Variants in ZNF790 observed in about 807,000 individuals in gnomAD.
ZNF790 encodes zinc finger protein 790.
A neutral mutation model predicts 12.1 loss-of-function variants in ZNF790; 8 were observed. The observed-to-expected ratio is 0.66, with a 90% CI of 0.39 to 1.19. ZNF790 has a LOEUF of 1.19. Among genes scored for constraint, ZNF790 ranks in the 50% most tolerant of loss-of-function variants. The pLI is 0.01. For missense variants in ZNF790, 707 were observed against 752.2 expected, an observed-to-expected ratio of 0.94 and a Z score of 0.70; for synonymous variants, 252 against 244.3, an observed-to-expected ratio of 1.03 and a Z score of -0.29.
chr19:36,837,033 C>A (rs1726721), intron 1 of ZNF790, among the ~76,000 whole-genome samples: 6,836 of 152,126 alleles, frequency 0.045, 505 homozygotes, highest in African/African-American at 0.16. Flanking sequence ...AATCATCTTT[C>A]ACTATCCCAC....
At chr19:36,826,787 A>G (rs2146040421) in intron 1 of ZNF790, among the ~76,000 whole-genome samples, 1 of 151,102 alleles carries the variant, frequency 6.6e-6, no homozygotes, top group South Asian at 2.1e-4. Context: ...AAAGGTAATC[A>G]TGGTTATGAA....
At chr19:36,821,820 G>A (rs1421466189) in intron 4 of ZNF790, among the ~76,000 whole-genome samples, 1 of 152,078 alleles carries the variant, frequency 6.6e-6, no homozygotes, top group Non-Finnish European at 1.5e-5. Flanking sequence ...CTGACCTCAG[G>A]TGATGATTCA....
chr19:36,841,763 T>C (rs1398018296), upstream of ZNF790, among the ~76,000 whole-genome samples: 1 of 144,094 alleles, frequency 6.9e-6, no homozygotes, highest in Non-Finnish European at 1.5e-5. Context: ...CAGGGAGAAT[T>C]GCTTGAACCC....
rs559276933 is a variant in ZNF790 at position 36,817,726 on chromosome 19, T to C, written c.*707A>G. 13 of 152,302 alleles carry C rather than the reference T, an allele frequency of 8.5e-5. No individual in the cohort carries two copies. The highest frequency in any genetic ancestry group is 2.9e-4 in the African/African-American group (12 of 41,574). The allele number at this position is 152,302 out of a possible 1,614,324, so 9.4% of individuals were successfully genotyped here. A position where few individuals can be genotyped will look rare whatever the true frequency, so the allele number is the denominator to read the frequency against. ...ATGCCAAATAAATTGTATGACATAG[T>C]TCAAGGCTTTTCTAGATTAATTACA... is the stretch of plus-strand genomic sequence containing the variant. On this transcript the variant is annotated 3_prime_UTR_variant, in exon 5 of 5. Coordinates refer to ENST00000356725, the MANE Select transcript of ZNF790 (RefSeq NM_206894.4).
chr19:36,819,420 T>C lies in ZNF790; in HGVS notation c.924A>G (p.Lys308=). The change falls in exon 5 of 5, where the codon AAA becomes AAG. Residue 308 remains lysine, a synonymous_variant. Coordinates refer to ENST00000356725, the MANE Select transcript of ZNF790 (RefSeq NM_206894.4). ...TRHQRIHTGE[K]PYECNECRKA... ...TTCTACATTCATTACATTCATAGGG[T>C]TTTTCACCAGTATGAATTCTCTGAT... The C allele has an allele frequency of 1.9e-6, 3 of 1,610,630 alleles. No individual in the cohort carries two copies. The highest frequency in any genetic ancestry group is 2.5e-6 in the Non-Finnish European group (3 of 1,177,950).
intron 2 of ZNF790, 47 bp from the exon 3 acceptor site, chr19:36,823,837 ATAAT>A (rs767870988): frequency 6.5e-7 from 1 of 1,549,246 alleles, no homozygotes; most frequent in Admixed American, 1.9e-5. Context: ...ATTTTTAAAA[ATAAT>A]TATAATCCCT....
chr19:36,843,918 G>C (rs2072151688), intron 1 of ZNF790, among the ~76,000 whole-genome samples: 1 of 150,692 alleles, frequency 6.6e-6, no homozygotes, highest in African/African-American at 2.4e-5. Context: ...TGAGGCAGGA[G>C]AGTTGCTTGA....
At position 36,818,900 on chromosome 19, in the gene ZNF790, C is replaced by A. The variant is rs1346179316; in HGVS notation, c.1444G>T (p.Glu482Ter). 1 of 1,610,966 alleles carries A rather than the reference C, an allele frequency of 6.2e-7. No individual in the cohort carries two copies. Among genetic ancestry groups the A allele is most frequent in the South Asian group, 1.1e-5 (1 of 90,996 alleles). The part of the protein sequence containing the change: ...HTGERNYECK[E>*]CGKTFFRGSE... ...CCACGAAAAAAGGTCTTTCCACATTCCTTACATTCATAGTTTCTCTCACCA... is the reference window on the plus strand; with the variant it reads ...CCACGAAAAAAGGTCTTTCCACATTACTTACATTCATAGTTTCTCTCACCA... The change falls in exon 5 of 5, where the codon GAA becomes TAA. Residue 482 changes from glutamate to a stop codon, truncating the protein, a stop_gained. Coordinates refer to ENST00000356725, the MANE Select transcript of ZNF790 (RefSeq NM_206894.4). LOFTEE classifies it low-confidence loss of function (END_TRUNC).
chr19:36,826,367 G>A (rs879668401), intron 1 of ZNF790, among the ~76,000 whole-genome samples: 3 of 151,960 alleles, frequency 2.0e-5, no homozygotes, highest in South Asian at 4.2e-4. Flanking sequence ...GGCAGATCAC[G>A]AGGTCAGGAG....
rs774645371 is a variant in ZNF790, at chr19:36,819,929, T to C, written c.415A>G (p.Lys139Glu). The change falls in exon 5 of 5, where the codon AAG (lysine) becomes GAG (glutamate). Residue 139 changes from lysine to glutamate, a missense_variant. By Grantham distance (56) the Lys-to-Glu change is moderately conservative. Transcript: ENST00000356725. ...TTTTCACAGGTGCGTATCACCTGCT[T>C]GAAGCATTCCTCTTGATTATCTTGA... ...TLQDNQEECF[K>E]QVIRTCEKRP... 1.9e-6 allele frequency: 3 copies of C among 1,614,154 alleles called. No homozygotes were observed. The highest frequency in any genetic ancestry group is 2.7e-5 in the African/African-American group (2 of 75,066).
Position 36,817,834 on chromosome 19 carries a change from T to C in ZNF790, c.*599A>G, listed in dbSNP as rs928672052. 1.3e-5 allele frequency: 2 copies of C among 152,172 alleles called. No individual in the cohort carries two copies. The highest frequency in any genetic ancestry group is 2.9e-5 in the Non-Finnish European group (2 of 68,030). 9.4% of individuals were successfully genotyped at this position (152,172 alleles called of 1,614,324 possible). The stretch of plus-strand genomic sequence containing the variant: ...TTATATATAAATTCTTGTGGGTTTT[T>C]GTTTTTGAGATGGAGTCTTGTTCTA... On this transcript the variant is annotated 3_prime_UTR_variant, in exon 5 of 5. Coordinates refer to ENST00000356725, the MANE Select transcript of ZNF790 (RefSeq NM_206894.4).
chr19:36,823,606 G>GA, intron 3 of ZNF790, 61 bp downstream of exon 3: 2 of 1,576,444 alleles, frequency 1.3e-6, no homozygotes, highest in Non-Finnish European at 1.7e-6. Context: ...ACATTTAAAA[G>GA]ACAATAAAAA....
At chr19:36,829,422 A>G (rs1188267570) in intron 1 of ZNF790, among the ~76,000 whole-genome samples, 1 of 152,174 alleles carries the variant, frequency 6.6e-6, no homozygotes, top group African/African-American at 2.4e-5. Flanking sequence ...CACGTAGCAT[A>G]AGGTTCTCAA....
At position 36,819,639 on chromosome 19, in the gene ZNF790, A is replaced by G. The variant is rs752957322; in HGVS notation, c.705T>C (p.Phe235=). The change falls in exon 5 of 5, where the codon TTT becomes TTC. Residue 235 remains phenylalanine (F), a synonymous_variant. Transcript: ENST00000356725. Reference sequence around the variant, plus strand: ...GACCAGTAAGACTCGAACGTAAACTAAAAGACTTCCCACATTCTTTACATT... The same window carrying G: ...GACCAGTAAGACTCGAACGTAAACTGAAAGACTTCCCACATTCTTTACATT... ...TYECKECGKS[F]SLRSSLTGHK... The G allele has an allele frequency of 1.3e-5, 21 of 1,607,366 alleles. No homozygotes were observed. Among genetic ancestry groups the G allele is most frequent in the South Asian group, 2.2e-5 (2 of 90,606 alleles).
chr19:36,826,575 C>T (rs893165154), intron 1 of ZNF790, among the ~76,000 whole-genome samples: 5 of 128,178 alleles, frequency 3.9e-5, no homozygotes, highest in South Asian at 2.8e-4. Context: ...CAGCGAGACT[C>T]GGTCTCAAAA....
intron 1 of ZNF790, among the ~76,000 whole-genome samples, chr19:36,834,138 G>C (rs2071994521): frequency 6.6e-6 from 1 of 151,244 alleles, no homozygotes; most frequent in Non-Finnish European, 1.5e-5. Flanking sequence ...AGCTACTCAG[G>C]AGGCTGAGGC....
chr19:36,835,487 C>T (rs990800980), intron 1 of ZNF790, among the ~76,000 whole-genome samples: 1 of 152,118 alleles, frequency 6.6e-6, no homozygotes, highest in African/African-American at 2.4e-5. Context: ...ATGTACTTTA[C>T]TGGAAGTCTT....
At position 36,819,046 on chromosome 19, in the gene ZNF790, CAAGTAA is replaced by C. The variant is rs777019903; in HGVS notation, c.1292_1297del (p.Phe431_Thr432del). ...CTCATGTTGAGCAAGATACGAAGCCCAAGTAAAAGTCTTCCCGCATTGCTTACATTC... is the reference window on the plus strand; with the variant it reads ...CTCATGTTGAGCAAGATACGAAGCCCAAGTCTTCCCGCATTGCTTACATTC... On this transcript the variant is annotated inframe_deletion, in exon 5 of 5. Transcript: ENST00000356725. The C allele has an allele frequency of 1.3e-5, 21 of 1,614,024 alleles. No homozygotes were observed. The African/African-American group carries it at 2.3e-4, about 17-fold the overall frequency.
rs551820063 is a variant in ZNF790 at position 36,819,040 on chromosome 19, G to A, written c.1304C>T (p.Ser435Leu). Reference protein sequence around the residue: ...KQCGKTFTWASYLAQHEKIHN... With the variant: ...KQCGKTFTWALYLAQHEKIHN... ...AATTTTCTCATGTTGAGCAAGATAC[G>A]AAGCCCAAGTAAAAGTCTTCCCGCA... is the stretch of plus-strand genomic sequence containing the variant. The change falls in exon 5 of 5, where the codon TCG becomes TTG. Residue 435 changes from serine to leucine, a missense_variant. By Grantham distance (145) the Ser-to-Leu change is moderately radical (BLOSUM62 -2). Transcript: ENST00000356725. 22 of 1,614,008 alleles carry A rather than the reference G, an allele frequency of 1.4e-5. No individual in the cohort carries two copies. Among genetic ancestry groups the A allele is most frequent in the East Asian group, 8.9e-5 (4 of 44,872 alleles).
Sources: gnomAD v4.1 joint callset for allele counts (sites outside exome capture counted in the v4.1 genomes callset) on GRCh38, gnomAD v4.1.1 for gene constraint, MANE v1.5 for transcripts, NCBI Gene and HGNC (gene_info 2026-07-23, HGNC 2026-07-21) for gene names.